CDH18: variants seen among roughly 807,000 people sequenced by gnomAD.
CDH18 encodes the protein cadherin-18.
A neutral mutation model predicts 67.9 loss-of-function variants in CDH18; 31 were observed. That is an observed-to-expected ratio of 0.46 (90% CI 0.34 to 0.62). The LOEUF (loss-of-function observed/expected upper bound fraction) is 0.62. Among genes scored for constraint, CDH18 ranks in the 20% least tolerant of loss-of-function variants. The pLI, the probability that CDH18 is intolerant of heterozygous loss-of-function variation, is 0.01. For missense variants in CDH18, 890 were observed against 975.5 expected (o/e 0.91, Z 1.17); for synonymous variants, 362 against 347.2 (o/e 1.04, Z -0.48).
intron 10 of CDH18, among the ~76,000 whole-genome samples, chr5:19,511,397 T>C (rs979173936): frequency 1.3e-5 from 2 of 152,148 alleles, no homozygotes; most frequent in Admixed American, 6.5e-5. Flanking sequence ...AAATTGACTT[T>C]GGAACTGGGT....
intron 2 of CDH18, among the ~76,000 whole-genome samples, chr5:20,072,272 C>T (rs1173116668): frequency 6.6e-6 from 1 of 151,976 alleles, no homozygotes; most frequent in Non-Finnish European, 1.5e-5. Flanking sequence ...TTAAATGATC[C>T]ACTCCAAGAA....
At chr5:19,675,436 T>C (rs4286669) in intron 5 of CDH18, among the ~76,000 whole-genome samples, 136,869 of 151,756 alleles carry the variant, frequency 0.9, 62,363 homozygotes, top group Non-Finnish European at 0.96. Flanking sequence ...ATGTCCCCAA[T>C]GGAGCCATTT....
intron 11 of CDH18, among the ~76,000 whole-genome samples, chr5:19,494,800 T>C (rs1742017378): frequency 6.6e-6 from 1 of 152,128 alleles, no homozygotes; most frequent in Non-Finnish European, 1.5e-5. Context: ...AATCTCAAAG[T>C]CTCTCTGCCT....
intron 1 of CDH18, among the ~76,000 whole-genome samples, chr5:20,537,712 T>G (rs1308076105): frequency 6.6e-6 from 1 of 151,846 alleles, no homozygotes; most frequent in Non-Finnish European, 1.5e-5. Flanking sequence ...TCTGGCAAAA[T>G]AAAACCATTG....
At chr5:20,234,302 G>T (rs948588306) in intron 2 of CDH18, among the ~76,000 whole-genome samples, 2 of 151,992 alleles carry the variant, frequency 1.3e-5, no homozygotes, top group African/African-American at 4.8e-5. Flanking sequence ...TACCTCCTGT[G>T]GCATTCCTAC....
chr5:19,963,114 C>G (rs1797082102), intron 2 of CDH18, among the ~76,000 whole-genome samples: 1 of 152,066 alleles, frequency 6.6e-6, no homozygotes, highest in Non-Finnish European at 1.5e-5. Context: ...ATAAGCATAG[C>G]CCACAAATAC....
intron 1 of CDH18, among the ~76,000 whole-genome samples, chr5:20,519,436 CAGG>C (rs1455874830): frequency 6.6e-6 from 1 of 151,918 alleles, no homozygotes; most frequent in Non-Finnish European, 1.5e-5. Flanking sequence ...CACATGGACA[CAGG>C]AAGGGGAACA....
chr5:20,273,953 T>A (rs1434037774), intron 1 of CDH18, among the ~76,000 whole-genome samples: 1 of 152,106 alleles, frequency 6.6e-6, no homozygotes, highest in Non-Finnish European at 1.5e-5. Flanking sequence ...TTAAGATGAT[T>A]TCTTTAGAGT....
chr5:20,493,655 T>C (rs938452821), intron 1 of CDH18, among the ~76,000 whole-genome samples: 28 of 152,214 alleles, frequency 1.8e-4, no homozygotes, highest in African/African-American at 6.7e-4. Context: ...GCATCTTATA[T>C]AATTCATTTG....
rs75638423 is a variant in CDH18, at chr5:20,327,714, A to G, written c.-579-72209T>C. Reference sequence around the variant, plus strand: ...CTGATAAAAAAAATAAAGCTAAGGTATCCCTGGGACTTAGAAAGTAATAGG... The same window carrying G: ...CTGATAAAAAAAATAAAGCTAAGGTGTCCCTGGGACTTAGAAAGTAATAGG... On this transcript the variant is annotated intron_variant, in intron 1 of 14. Transcript: ENST00000507958. Among the ~76,000 whole-genome samples the G allele has an allele frequency of 5.8e-3, 882 of 152,228 alleles. 4 individuals carry two copies. Among genetic ancestry groups the G allele is most frequent in the South Asian group, 0.027 (129 of 4,820 alleles).
chr5:19,672,339 C>A (rs1017292467), intron 5 of CDH18, among the ~76,000 whole-genome samples: 1 of 152,074 alleles, frequency 6.6e-6, no homozygotes, highest in Non-Finnish European at 1.5e-5. Context: ...AATCTGCTAA[C>A]ATTTACAGAA....
chr5:19,903,541 G>GTGTATATA (rs374931710), intron 2 of CDH18, among the ~76,000 whole-genome samples: 42 of 124,728 alleles, frequency 3.4e-4, no homozygotes, highest in African/African-American at 1.1e-3. Context: ...GTGTGTGTGT[G>GTGTATATA]TATATATATA....
chr5:20,032,864 A>G (rs1045671021), intron 2 of CDH18, among the ~76,000 whole-genome samples: 14 of 152,064 alleles, frequency 9.2e-5, no homozygotes, highest in Admixed American at 4.6e-4. Flanking sequence ...CCAGGGTCAC[A>G]TAACACATTA....
At chr5:19,722,796 A>T (rs1310566096) in intron 4 of CDH18, among the ~76,000 whole-genome samples, 1 of 152,062 alleles carries the variant, frequency 6.6e-6, no homozygotes, top group Non-Finnish European at 1.5e-5. Flanking sequence ...TCAAGTAAAA[A>T]TGTTTTTACA....
intron 1 of CDH18, among the ~76,000 whole-genome samples, chr5:20,457,559 C>G (rs1202425087): frequency 1.3e-5 from 2 of 152,002 alleles, no homozygotes; most frequent in Non-Finnish European, 2.9e-5. Context: ...CTTTGAACCC[C>G]GATGCTCTTC....
chr5:19,709,585 A>G (rs1764437228), intron 5 of CDH18, among the ~76,000 whole-genome samples: 1 of 151,888 alleles, frequency 6.6e-6, no homozygotes, highest in South Asian at 2.1e-4. Flanking sequence ...CAACAAAAAA[A>G]GAAAGTAAAG....
chr5:19,915,445 T>G (rs893814967), intron 2 of CDH18, among the ~76,000 whole-genome samples: 3 of 152,132 alleles, frequency 2.0e-5, no homozygotes, highest in Non-Finnish European at 4.4e-5. Flanking sequence ...AGCCTACTGT[T>G]GACTGGAAGC....
intron 5 of CDH18, among the ~76,000 whole-genome samples, chr5:19,614,216 T>C (rs1749464267): frequency 6.6e-6 from 1 of 151,916 alleles, no homozygotes; most frequent in Non-Finnish European, 1.5e-5. Flanking sequence ...TTTCTTTTTT[T>C]TCTGAATTGA....
At chr5:20,103,413 C>CT (rs1746640972) in intron 2 of CDH18, among the ~76,000 whole-genome samples, 1 of 151,838 alleles carries the variant, frequency 6.6e-6, no homozygotes, top group Admixed American at 6.6e-5. Flanking sequence ...AAGAATGATA[C>CT]CACTTTTAGG....
Sources: allele counts gnomAD v4.1 joint callset (sites outside exome capture counted in the v4.1 genomes callset), GRCh38; gene constraint gnomAD v4.1.1; transcripts MANE v1.5; gene names NCBI Gene and HGNC (gene_info 2026-07-23, HGNC 2026-07-21).